GALNT17: variants seen among roughly 807,000 people sequenced by gnomAD.
GALNT17 encodes the protein UDP-GalNAc:polypeptide N-acetylgalactosaminyltransferase-like 3.
In GALNT17, 29 loss-of-function variants were observed where a neutral mutation model predicts 63.7. The observed-to-expected ratio is 0.46, with a 90% CI of 0.34 to 0.62. The LOEUF (loss-of-function observed/expected upper bound fraction) is 0.62, where lower values mean the gene tolerates loss of function less well. Among genes scored for constraint, GALNT17 ranks in the 20% least tolerant of loss-of-function variants. GALNT17 has a pLI of 0.01. For synonymous variants in GALNT17, 305 were observed against 318.3 expected (o/e 0.96, Z 0.45); for missense variants, 603 against 799.6 (o/e 0.75, Z 2.97).
At chr7:71,330,214 T>C (rs1791783930) in intron 1 of GALNT17, among the ~76,000 whole-genome samples, 1 of 152,040 alleles carries the variant, frequency 6.6e-6, no homozygotes, top group African/African-American at 2.4e-5. Context: ...GGTTTCACCA[T>C]GTTGACCAGG....
chr7:71,366,537 T>C (rs1395696489), intron 2 of GALNT17, among the ~76,000 whole-genome samples: 3 of 152,176 alleles, frequency 2.0e-5, no homozygotes, highest in South Asian at 2.1e-4. Context: ...GCTGAGATCG[T>C]GCCATTGCAC....
At chr7:71,688,792 A>C (rs962451163) in intron 9 of GALNT17, among the ~76,000 whole-genome samples, 9 of 152,190 alleles carry the variant, frequency 5.9e-5, no homozygotes, top group Admixed American at 2.6e-4. Context: ...ATTCCATGCC[A>C]TCAGTGTGCA....
rs193197247 is a variant in GALNT17, at chr7:71,534,585, C to T, written c.963-36700C>T. ...CTGCACTCCAGCCTGGGCAACAGAG[C>T]GAGACTCCATCTCAAAAAAAAAAAA... On this transcript the variant is annotated intron_variant, in intron 5 of 10. Coordinates refer to ENST00000333538, the MANE Select transcript of GALNT17 (RefSeq NM_022479.3). 1.8e-3 allele frequency among the ~76,000 whole-genome samples: 224 copies of T among 121,666 alleles called. 2 individuals carry two copies. The South Asian group carries it at 0.04, about 22-fold the overall frequency. 79.8% of individuals were successfully genotyped at this position (121,666 alleles called of 152,430 possible). A position where few individuals can be genotyped will look rare whatever the true frequency, so the allele number is the denominator to read the frequency against.
intron 8 of GALNT17, among the ~76,000 whole-genome samples, chr7:71,673,292 G>A (rs1262705242): frequency 2.0e-5 from 3 of 152,096 alleles, no homozygotes; most frequent in Admixed American, 1.3e-4. Context: ...ATTTAACTTG[G>A]AGATTAGTTG....
chr7:71,512,837 CAGGCCTG>C (rs1264992152), intron 5 of GALNT17, among the ~76,000 whole-genome samples: 1 of 152,190 alleles, frequency 6.6e-6, no homozygotes, highest in Non-Finnish European at 1.5e-5. Context: ...TGAGGAGAAT[CAGGCCTG>C]AGGCCCAGGT....
chr7:71,463,550 GA>G (rs527266477), intron 5 of GALNT17, among the ~76,000 whole-genome samples: 7 of 152,006 alleles, frequency 4.6e-5, no homozygotes, highest in Non-Finnish European at 8.8e-5. Context: ...GTAAAGGAAT[GA>G]AAAAAAGGCT....
intron 9 of GALNT17, among the ~76,000 whole-genome samples, chr7:71,681,094 T>TCA (rs1791254971): frequency 6.6e-6 from 1 of 151,980 alleles, no homozygotes; most frequent in South Asian, 2.1e-4. Flanking sequence ...AGACATAGAG[T>TCA]CTTGCTGTGT....
intron 1 of GALNT17, among the ~76,000 whole-genome samples, chr7:71,225,004 C>T (rs867840127): frequency 5.9e-5 from 9 of 152,130 alleles, no homozygotes; most frequent in South Asian, 2.1e-4. Context: ...GACAGAGTCT[C>T]CCTCTGCCAC....
intron 6 of GALNT17, among the ~76,000 whole-genome samples, chr7:71,578,172 G>A (rs1011003634): frequency 6.6e-5 from 10 of 151,976 alleles, no homozygotes; most frequent in African/African-American, 2.4e-4. Context: ...AGCTAGCTGG[G>A]ATTACAGGCA....
At chr7:71,403,996 T>G (rs1343786763) in intron 3 of GALNT17, among the ~76,000 whole-genome samples, 1 of 152,218 alleles carries the variant, frequency 6.6e-6, no homozygotes, top group Non-Finnish European at 1.5e-5. Flanking sequence ...CACGTGTTAT[T>G]ATTAGAATCA....
chr7:71,323,484 T>C (rs190206182), intron 1 of GALNT17, among the ~76,000 whole-genome samples: 129 of 152,318 alleles, frequency 8.5e-4, no homozygotes, highest in African/African-American at 2.9e-3. Flanking sequence ...GCTGATACAA[T>C]TGAACTCTTA....
rs1253633146 is a variant in GALNT17 at position 71,629,592 on chromosome 7, A to C, written c.1081-35819A>C. On this transcript the variant is annotated intron_variant, in intron 6 of 10. Transcript: ENST00000333538. Reference sequence around the variant, plus strand: ...ATTCCTGGGCTCAAACAATCTTCCCACCTCAGCCTCTTGAGTAGCGGGGAC... The same window carrying C: ...ATTCCTGGGCTCAAACAATCTTCCCCCCTCAGCCTCTTGAGTAGCGGGGAC... 1.3e-5 allele frequency among the ~76,000 whole-genome samples: 2 copies of C among 151,976 alleles called. 1 individual carries two copies. Among genetic ancestry groups the C allele is most frequent in the East Asian group, 3.9e-4 (2 of 5,176 alleles).
At chr7:71,184,860 T>C (rs1374097479) in intron 1 of GALNT17, among the ~76,000 whole-genome samples, 2 of 152,142 alleles carry the variant, frequency 1.3e-5, no homozygotes, top group African/African-American at 2.4e-5. Flanking sequence ...ATAAGACTTC[T>C]GGATGTGGAG....
chr7:71,362,505 G>T (rs1792422083), intron 2 of GALNT17, among the ~76,000 whole-genome samples: 1 of 152,192 alleles, frequency 6.6e-6, no homozygotes, highest in Admixed American at 6.5e-5. Flanking sequence ...TTTGCAGAGT[G>T]CTTGGTTCGC....
intron 5 of GALNT17, among the ~76,000 whole-genome samples, chr7:71,542,626 G>T (rs1426875798): frequency 3.3e-5 from 5 of 150,968 alleles, no homozygotes; most frequent in African/African-American, 1.2e-4. Context: ...AACCGGGGAG[G>T]TGGGGGTTGC....
intron 1 of GALNT17, among the ~76,000 whole-genome samples, chr7:71,138,043 A>G (rs1360707016): frequency 6.6e-6 from 1 of 152,216 alleles, no homozygotes; most frequent in African/African-American, 2.4e-5. Context: ...AGAAAAGGAA[A>G]TGTTATTAAG....
At chr7:71,332,676 T>A (rs1259945353) in intron 1 of GALNT17, among the ~76,000 whole-genome samples, 1 of 146,396 alleles carries the variant, frequency 6.8e-6, no homozygotes, top group Admixed American at 6.8e-5. Context: ...TTTTTGTTTG[T>A]TTTTGTTTGT....
At chr7:71,603,185 GAT>G (rs1311934343) in intron 6 of GALNT17, among the ~76,000 whole-genome samples, 2 of 151,594 alleles carry the variant, frequency 1.3e-5, no homozygotes, top group Non-Finnish European at 2.9e-5. Flanking sequence ...GTATACACTG[GAT>G]ATTATGCTAA....
intron 5 of GALNT17, among the ~76,000 whole-genome samples, chr7:71,504,245 T>C (rs1343161805): frequency 6.7e-6 from 1 of 149,492 alleles, no homozygotes; most frequent in African/African-American, 2.5e-5. Flanking sequence ...AAAAAAAAAT[T>C]AGCTGGGCTT....
Sources: allele counts gnomAD v4.1 joint callset (sites outside exome capture counted in the v4.1 genomes callset), GRCh38; gene constraint gnomAD v4.1.1; transcripts MANE v1.5; gene names NCBI Gene and HGNC (gene_info 2026-07-23, HGNC 2026-07-21).